The following CHRNA7 variants were observed in gnomAD, a reference collection of about 807,000 sequenced individuals.
CHRNA7 encodes neuronal acetylcholine receptor subunit alpha-7.
CHRNA7 carries 17 observed loss-of-function variants against 48.0 expected under a neutral mutation model. That is an observed-to-expected ratio of 0.35 (90% CI 0.24 to 0.53). The LOEUF (loss-of-function observed/expected upper bound fraction) is 0.53, where lower values mean the gene tolerates loss of function less well. Ranked by LOEUF, CHRNA7 falls within the 20% of genes least tolerant of loss-of-function variation. CHRNA7 has a pLI of 0.92. For missense variants in CHRNA7, 155 were observed against 577.7 expected (o/e 0.27, Z 7.50); for synonymous variants, 75 against 242.3 (o/e 0.31, Z 6.41).
At chr15:32,037,316 G>T (rs1035383173) in intron 2 of CHRNA7, among the ~76,000 whole-genome samples, 3 of 152,186 alleles carry the variant, frequency 2.0e-5, no homozygotes, top group African/African-American at 7.2e-5. Context: ...CAATAACACA[G>T]TCTTGATTAC....
intron 2 of CHRNA7, among the ~76,000 whole-genome samples, chr15:32,078,133 G>C (rs2050162144): frequency 6.6e-6 from 1 of 152,146 alleles, no homozygotes; most frequent in South Asian, 2.1e-4. Context: ...TCCTTTATCT[G>C]ATTTGTCTCT....
chr15:32,120,536 G>T (rs1052195464), intron 4 of CHRNA7, among the ~76,000 whole-genome samples: 1 of 151,884 alleles, frequency 6.6e-6, no homozygotes, highest in Admixed American at 6.6e-5. Context: ...TCCCCTGCCA[G>T]CCAGTGTGGG....
chr15:32,148,480 C>T (rs1374219383), intron 4 of CHRNA7, among the ~76,000 whole-genome samples: 1 of 152,140 alleles, frequency 6.6e-6, no homozygotes, highest in Non-Finnish European at 1.5e-5. Context: ...CAAGGCTGAG[C>T]CTAGGATCAG....
At chr15:32,092,875 A>G (rs1311489128) in intron 2 of CHRNA7, among the ~76,000 whole-genome samples, 1 of 152,148 alleles carries the variant, frequency 6.6e-6, no homozygotes, top group Non-Finnish European at 1.5e-5. Flanking sequence ...TCAGTTCCTT[A>G]GAGGACCCCA....
At chr15:32,094,529 G>C (rs894741250) in intron 2 of CHRNA7, among the ~76,000 whole-genome samples, 1 of 152,158 alleles carries the variant, frequency 6.6e-6, no homozygotes, top group Admixed American at 6.5e-5. Flanking sequence ...ATAGGCAGCC[G>C]CAGATAGTGA....
At position 32,111,167 on chromosome 15, in the gene CHRNA7, C is replaced by T. The variant is rs548819519; in HGVS notation, c.241-623C>T. On this transcript the variant is annotated intron_variant, in intron 3 of 9. Transcript: ENST00000306901. ...TCGATAACCTCAATTAAGGCCTGGC[C>T]GTGAGCTTGTGTGAGTGCTTCCTGA... is the stretch of plus-strand genomic sequence containing the variant. The T allele has an allele frequency of 4.1e-4, 62 of 152,368 alleles. No homozygotes were observed. In the South Asian group the frequency reaches 5.0e-3, roughly 12 times the overall value. 9.4% of individuals were successfully genotyped at this position (152,368 alleles called of 1,614,324 possible). A position where few individuals can be genotyped will look rare whatever the true frequency, so the allele number is the denominator to read the frequency against.
At position 32,069,905 on chromosome 15, in the gene CHRNA7, C is replaced by T. The variant is rs2050026305; in HGVS notation, c.196-31398C>T. Reference sequence around the variant, plus strand: ...CAGCGAAACACCAGAACTTGAAACGCACTCTGGGCACTTAACTTGAAAGTA... The same window carrying T: ...CAGCGAAACACCAGAACTTGAAACGTACTCTGGGCACTTAACTTGAAAGTA... On this transcript the variant is annotated intron_variant, in intron 2 of 9. Coordinates refer to ENST00000306901, the MANE Select transcript of CHRNA7 (RefSeq NM_000746.6). Among the ~76,000 whole-genome samples the T allele has an allele frequency of 2.6e-5, 4 of 152,138 alleles. No homozygotes were observed. The South Asian group carries it at 8.3e-4, about 32-fold the overall frequency.
At chr15:32,060,680 C>G (rs2049864874) in intron 2 of CHRNA7, among the ~76,000 whole-genome samples, 1 of 152,176 alleles carries the variant, frequency 6.6e-6, no homozygotes, top group South Asian at 2.1e-4. Context: ...TGGCCACTTT[C>G]AAGAGATAGA....
At chr15:32,087,194 A>C (rs550307230) in intron 2 of CHRNA7, among the ~76,000 whole-genome samples, 1 of 152,228 alleles carries the variant, frequency 6.6e-6, no homozygotes, top group East Asian at 1.9e-4. Flanking sequence ...AGCAGTATTT[A>C]TTTTATATTT....
intron 2 of CHRNA7, among the ~76,000 whole-genome samples, chr15:32,047,671 C>T (rs1364612944): frequency 6.6e-6 from 1 of 152,160 alleles, no homozygotes; most frequent in Non-Finnish European, 1.5e-5. Flanking sequence ...ATTTCCTTCT[C>T]CTGCCTGATT....
intron 4 of CHRNA7, among the ~76,000 whole-genome samples, chr15:32,123,934 C>T (rs1369171766): frequency 3.4e-5 from 4 of 116,612 alleles, no homozygotes; most frequent in Non-Finnish European, 6.7e-5. Context: ...AGAGGAAGAG[C>T]ATTTCTTCTC....
At chr15:32,093,565 T>C (rs1015424433) in intron 2 of CHRNA7, among the ~76,000 whole-genome samples, 2 of 152,146 alleles carry the variant, frequency 1.3e-5, no homozygotes, top group Non-Finnish European at 2.9e-5. Flanking sequence ...CAATCTGGCA[T>C]TGGGCAAATT....
At chr15:32,129,922 A>T (rs1050354559) in intron 4 of CHRNA7, among the ~76,000 whole-genome samples, 2 of 151,600 alleles carry the variant, frequency 1.3e-5, no homozygotes, top group African/African-American at 4.8e-5. Flanking sequence ...AGTTCAGTGT[A>T]TTTTTTTCCA....
intron 2 of CHRNA7, among the ~76,000 whole-genome samples, chr15:32,050,951 C>T (rs889969715): frequency 9.9e-5 from 15 of 152,188 alleles, no homozygotes; most frequent in Non-Finnish European, 1.9e-4. Flanking sequence ...GCGGTGTCTG[C>T]AGAACCGCGG....
chr15:32,052,085 T>C (rs1405018837), intron 2 of CHRNA7, among the ~76,000 whole-genome samples: 1 of 152,184 alleles, frequency 6.6e-6, no homozygotes, highest in Non-Finnish European at 1.5e-5. Context: ...CACCACAGGC[T>C]CTGGAAAGGT....
rs1901907907 is a variant in CHRNA7, at chr15:32,032,837, C to T, written c.195+1800C>T. ...GCGGCAGCACCTTTTGGAGAAGAGA[C>T]CACTCGCGGAGAAGCTGCAGGCTTT... On this transcript the variant is annotated intron_variant, in intron 2 of 9. Transcript: ENST00000306901. Among the ~76,000 whole-genome samples, 4 of 152,156 alleles carry T rather than the reference C, an allele frequency of 2.6e-5. No homozygotes were observed. The South Asian group carries it at 6.2e-4, about 24-fold the overall frequency.
At chr15:32,118,919 A>G (rs2050918277) in intron 4 of CHRNA7, among the ~76,000 whole-genome samples, 1 of 151,044 alleles carries the variant, frequency 6.6e-6, no homozygotes, top group Non-Finnish European at 1.5e-5. Context: ...AAGTGGAGAG[A>G]GTGTTCCTGA....
intron 4 of CHRNA7, among the ~76,000 whole-genome samples, chr15:32,147,052 C>G (rs926089137): frequency 1.3e-5 from 2 of 152,210 alleles, no homozygotes; most frequent in African/African-American, 4.8e-5. Context: ...TGGATATCTG[C>G]TGTGTTAATC....
intron 2 of CHRNA7, among the ~76,000 whole-genome samples, chr15:32,036,964 T>C (rs1302980690): frequency 6.6e-6 from 1 of 152,198 alleles, no homozygotes; most frequent in Non-Finnish European, 1.5e-5. Flanking sequence ...TTCTTTCTTT[T>C]ATGGATTGTG....
Sources: gnomAD v4.1 joint callset for allele counts (sites outside exome capture counted in the v4.1 genomes callset) on GRCh38, gnomAD v4.1.1 for gene constraint, MANE v1.5 for transcripts, NCBI Gene and HGNC (gene_info 2026-07-23, HGNC 2026-07-21) for gene names.